ARHGAP20: variants seen among roughly 807,000 people sequenced by gnomAD.
The protein encoded by ARHGAP20 is rho GTPase-activating protein 20.
In ARHGAP20, 34 loss-of-function variants were observed where a neutral mutation model predicts 73.7. That is an observed-to-expected ratio of 0.46 (90% CI 0.35 to 0.61). The LOEUF (loss-of-function observed/expected upper bound fraction) is 0.61. Ranked by LOEUF, ARHGAP20 falls within the 20% of genes least tolerant of loss-of-function variation. The pLI is 0.00. For missense variants in ARHGAP20, 1,314 were observed against 1,420.9 expected, an observed-to-expected ratio of 0.92 and a Z score of 1.21; for synonymous variants, 523 against 518.2, an observed-to-expected ratio of 1.01 and a Z score of -0.13.
At chr11:110,597,251 G>T (rs1345283053) in intron 9 of ARHGAP20, among the ~76,000 whole-genome samples, 1 of 150,306 alleles carries the variant, frequency 6.7e-6, no homozygotes, top group East Asian at 1.9e-4. Context: ...TAACAAGCCT[G>T]CACGTTGTGC....
chr11:110,619,272 GTATGCAGTGATAGAGTA>G (rs1277817175), intron 4 of ARHGAP20, among the ~76,000 whole-genome samples: 13 of 85,854 alleles, frequency 1.5e-4, no homozygotes, highest in East Asian at 4.0e-4. Flanking sequence ...GTGATAGAGT[GTATGCAGTGATAGAGTA>G]TATGCAGTGA....
chr11:110,664,745 A>AC, intron 2 of ARHGAP20, among the ~76,000 whole-genome samples: 1 of 150,364 alleles, frequency 6.7e-6, no homozygotes, highest in African/African-American at 2.4e-5. Context: ...AAAAAAAAAA[A>AC]GAAAAAAGAA....
At chr11:110,629,233 T>A (rs769488798) in intron 3 of ARHGAP20, among the ~76,000 whole-genome samples, 7 of 152,154 alleles carry the variant, frequency 4.6e-5, no homozygotes, top group Non-Finnish European at 1.0e-4. Flanking sequence ...GAAGCAGCCG[T>A]TGGAAGTAAG....
At chr11:110,614,809 G>A (rs1460068724) in intron 5 of ARHGAP20, among the ~76,000 whole-genome samples, 164 bp from the exon 6 acceptor site, 1 of 152,140 alleles carries the variant, frequency 6.6e-6, no homozygotes, top group Non-Finnish European at 1.5e-5. Flanking sequence ...TACATTATGG[G>A]TTGGAAGAGA....
At chr11:110,637,773 G>A (rs1406773508) in intron 2 of ARHGAP20, among the ~76,000 whole-genome samples, 1 of 152,052 alleles carries the variant, frequency 6.6e-6, no homozygotes, top group Non-Finnish European at 1.5e-5. Context: ...AAAAACAGGA[G>A]ACCCTATCTG....
At chr11:110,684,458 G>A (rs770436353) in intron 2 of ARHGAP20, among the ~76,000 whole-genome samples, 2 of 152,046 alleles carry the variant, frequency 1.3e-5, no homozygotes, top group Non-Finnish European at 2.9e-5. Flanking sequence ...CATCTGAGTA[G>A]TATTTTTCTG....
chr11:110,702,554 G>A (rs1348644943), intron 1 of ARHGAP20, among the ~76,000 whole-genome samples: 1 of 152,070 alleles, frequency 6.6e-6, no homozygotes, highest in Non-Finnish European at 1.5e-5. Context: ...GGCAGGAGAA[G>A]GAAATAAAGG....
chr11:110,674,680 C>T (rs1354312346), intron 2 of ARHGAP20, among the ~76,000 whole-genome samples: 1 of 152,032 alleles, frequency 6.6e-6, no homozygotes, highest in South Asian at 2.1e-4. Context: ...AATCTGACAT[C>T]TGAAACACTT....
In ARHGAP20 at chr11:110,580,794, G is replaced by T. The variant is rs1389772873; in HGVS notation, c.2152C>A (p.Leu718Ile). Residue 718 changes from leucine (L) to isoleucine (I), a missense_variant, in exon 15 of 15, where the codon CTC becomes ATC. Transcript: ENST00000683387. ...AGCTTTTTCTGATAAAACTCCCTGA[G>T]GTAGGAAAGCTTTGAATCCAGATAG... Reference protein sequence around the residue: ...IDYLDSKLSYLREFYQKKLRK... With the variant: ...IDYLDSKLSYIREFYQKKLRK... 2 of 1,613,978 alleles carry T rather than the reference G, an allele frequency of 1.2e-6. No homozygotes were observed. The highest frequency in any genetic ancestry group is 4.5e-5 in the East Asian group (2 of 44,880).
rs1214522364 is a variant in ARHGAP20 at position 110,580,512 on chromosome 11, G to A, written c.2434C>T (p.Gln812Ter). The part of the protein sequence containing the change: ...SVASYSPMSS[Q>*]DHSKNQPFDV... ...AAGGGCTGGTTCTTGGAATGATCCT[G>A]TGAGGACATAGGACTATAAGATGCC... Residue 812 changes from glutamine (Q) to a stop codon, truncating the protein, a stop_gained, in exon 15 of 15, where the codon CAG (glutamine) becomes TAG (stop). Transcript: ENST00000683387. LOFTEE classifies it low-confidence loss of function (END_TRUNC). 2 of 1,614,092 alleles carry A rather than the reference G, an allele frequency of 1.2e-6. No individual in the cohort carries two copies. The highest frequency in any genetic ancestry group is 8.5e-7 in the Non-Finnish European group (1 of 1,180,044).
chr11:110,586,914 A>C (rs776971411), intron 11 of ARHGAP20, among the ~76,000 whole-genome samples: 5 of 151,366 alleles, frequency 3.3e-5, no homozygotes, highest in Non-Finnish European at 5.9e-5. Flanking sequence ...AGGCTCTCAT[A>C]TATTTGGAGA....
chr11:110,580,238 A>G lies in ARHGAP20; in HGVS notation c.2708T>C (p.Leu903Ser), dbSNP rs2134774449. 1 of 1,614,178 alleles carries G rather than the reference A, an allele frequency of 6.2e-7. No homozygotes were observed. The highest frequency in any genetic ancestry group is 8.5e-7 in the Non-Finnish European group (1 of 1,180,026). Residue 903 changes from leucine to serine, a missense_variant, in exon 15 of 15, where the codon TTA (leucine) becomes TCA (serine). Around this residue, in one of 3 missense-constraint regions of ARHGAP20, gnomAD observed 641 missense variants for 636.9 expected, o/e 1.01. Transcript: ENST00000683387. Reference sequence around the variant, plus strand: ...CTTGCCCACCTCAATCCCCATGACTAAACTCTGATTAATGAGCTTCTGCCC... The same window carrying G: ...CTTGCCCACCTCAATCCCCATGACTGAACTCTGATTAATGAGCTTCTGCCC... ...MEGQKLINQSLVMGIEVGKSS... is the reference protein window; with the variant it reads ...MEGQKLINQSSVMGIEVGKSS...
chr11:110,694,314 C>T (rs909721449), intron 1 of ARHGAP20, among the ~76,000 whole-genome samples: 4 of 151,728 alleles, frequency 2.6e-5, no homozygotes, highest in Non-Finnish European at 4.4e-5. Context: ...GAAAGTATAA[C>T]ATGAATACTA....
At chr11:110,660,380 C>T (rs1222046357) in intron 2 of ARHGAP20, among the ~76,000 whole-genome samples, 2 of 152,114 alleles carry the variant, frequency 1.3e-5, no homozygotes, top group Non-Finnish European at 2.9e-5. Context: ...CTGTGTGAAC[C>T]AGATACAAGT....
intron 4 of ARHGAP20, among the ~76,000 whole-genome samples, chr11:110,622,744 A>G (rs1422315704): frequency 2.6e-5 from 4 of 152,132 alleles, no homozygotes; most frequent in Non-Finnish European, 1.5e-5. Flanking sequence ...TGATTTCCTC[A>G]TGATTAGACT....
intron 9 of ARHGAP20, 148 bp from the exon 10 acceptor site, chr11:110,592,303 A>G: frequency 1.6e-6 from 1 of 643,266 alleles, no homozygotes; most frequent in South Asian, 3.1e-5. Context: ...TTCAACCTAT[A>G]AAATTTCATT....
At chr11:110,660,123 C>T (rs1319004731) in intron 2 of ARHGAP20, among the ~76,000 whole-genome samples, 1 of 149,230 alleles carries the variant, frequency 6.7e-6, no homozygotes, top group Admixed American at 6.6e-5. Flanking sequence ...AAGCCTATAT[C>T]AGAACTACAT....
At position 110,696,121 on chromosome 11, in the gene ARHGAP20, CTA is replaced by C. The variant is rs139106313; in HGVS notation, c.106-5494_106-5493del. On this transcript the variant is annotated intron_variant, in intron 1 of 14. Transcript: ENST00000683387. ...TATAAAGTGCCCAGAACAAGCAAAT[CTA>C]TAGAGACTTAAAGGTTTGTGCTTGC... Among the ~76,000 whole-genome samples the C allele has an allele frequency of 9.6e-4, 145 of 151,656 alleles. 1 individual carries two copies. Among genetic ancestry groups the C allele is most frequent in the African/African-American group, 3.1e-3 (127 of 41,468 alleles).
At chr11:110,673,444 A>G (rs930362635) in intron 2 of ARHGAP20, among the ~76,000 whole-genome samples, 1 of 152,208 alleles carries the variant, frequency 6.6e-6, no homozygotes, top group South Asian at 2.1e-4. Context: ...CGATACAACC[A>G]TATTCTCTGA....
Sources: gnomAD v4.1 joint callset for allele counts (sites outside exome capture counted in the v4.1 genomes callset) on GRCh38, gnomAD v4.1.1 for gene constraint, gnomAD v4.1.1 regional missense constraint, MANE v1.5 for transcripts, NCBI Gene and HGNC (gene_info 2026-07-23, HGNC 2026-07-21) for gene names.